CPO: variants seen among roughly 807,000 people sequenced by gnomAD.
CPO encodes the protein carboxypeptidase O.
In CPO, 43 loss-of-function variants were observed where a neutral mutation model predicts 41.2. That is an observed-to-expected ratio of 1.04 (90% confidence interval 0.82 to 1.35). CPO has a LOEUF of 1.35. CPO is among the 40% of genes most tolerant of loss of function. CPO has a pLI of 0.00. For synonymous variants in CPO, 178 were observed against 162.7 expected, an observed-to-expected ratio of 1.09 and a Z score of -0.72; for missense variants, 408 against 451.7, an observed-to-expected ratio of 0.90 and a Z score of 0.88.
At chr2:206,948,337 G>A (rs1693185089) in intron 1 of CPO, among the ~76,000 whole-genome samples, 1 of 152,178 alleles carries the variant, frequency 6.6e-6, no homozygotes, top group Admixed American at 6.5e-5. Context: ...TGAAAATGTT[G>A]CATACTGTAT....
chr2:206,950,335 CA>C (rs1166185115), intron 2 of CPO, among the ~76,000 whole-genome samples: 3 of 152,130 alleles, frequency 2.0e-5, no homozygotes, highest in Non-Finnish European at 4.4e-5. Context: ...CAGACATATG[CA>C]AAACTGCTGG....
At chr2:206,946,959 A>T (rs889626194) in intron 1 of CPO, among the ~76,000 whole-genome samples, 1 of 152,216 alleles carries the variant, frequency 6.6e-6, no homozygotes, top group Non-Finnish European at 1.5e-5. Flanking sequence ...GAGATCAAAG[A>T]AGAACTAAAT....
At chr2:206,958,241 G>T (rs1409488859) in intron 3 of CPO, 60 bp from the exon 4 acceptor site, 26 of 888,954 alleles carry the variant, frequency 2.9e-5, no homozygotes, top group Middle Eastern at 4.6e-4. Context: ...TCATAACTTT[G>T]CACAGTGGCT....
At chr2:206,956,409 T>G (rs528900781) in intron 3 of CPO, among the ~76,000 whole-genome samples, 2 of 130,836 alleles carry the variant, frequency 1.5e-5, no homozygotes, top group East Asian at 4.1e-4. Context: ...TAAATCATCA[T>G]CATCATCAGC....
At chr2:206,957,447 T>A (rs1313123284) in intron 3 of CPO, among the ~76,000 whole-genome samples, 1 of 151,946 alleles carries the variant, frequency 6.6e-6, no homozygotes, top group African/African-American at 2.4e-5. Context: ...GAAAAATAGA[T>A]GAGGCTAAAA....
intron 4 of CPO, 107 bp downstream of exon 4, chr2:206,958,512 C>T: frequency 3.3e-6 from 2 of 610,608 alleles, no homozygotes. Flanking sequence ...TGATGCAACT[C>T]TTTACTGTGC....
intron 1 of CPO, among the ~76,000 whole-genome samples, chr2:206,948,325 C>G (rs1316020550): frequency 6.6e-6 from 1 of 152,128 alleles, no homozygotes; most frequent in Non-Finnish European, 1.5e-5. Context: ...AAGAAGTCAA[C>G]CTGAAAATGT....
intron 1 of CPO, among the ~76,000 whole-genome samples, chr2:206,943,714 AGATGATG>A (rs1475313036): frequency 0.014 from 1,014 of 71,050 alleles, 4 homozygotes; most frequent in Admixed American, 0.024. Context: ...ATAGATAGAT[AGATGATG>A]GATAGATGAT....
intron 5 of CPO, among the ~76,000 whole-genome samples, chr2:206,960,137 C>T (rs1455260912): frequency 6.6e-6 from 1 of 152,240 alleles, no homozygotes; most frequent in Admixed American, 6.5e-5. Context: ...AACCAGCCTA[C>T]ATTTTTCAAT....
intron 7 of CPO, among the ~76,000 whole-genome samples, chr2:206,965,639 C>T (rs7561116): frequency 0.22 from 33,697 of 152,008 alleles, 4,153 homozygotes; most frequent in Non-Finnish European, 0.29. Flanking sequence ...CCAAGCTCTG[C>T]TGCCCCCACC....
chr2:206,945,264 G>T (rs1445673383), intron 1 of CPO, among the ~76,000 whole-genome samples: 1 of 107,396 alleles, frequency 9.3e-6, no homozygotes, highest in Non-Finnish European at 2.3e-5. Context: ...TAGCTAATTA[G>T]ATCTCTAACA....
At position 206,967,217 on chromosome 2, in the gene CPO, T is replaced by C. The variant is rs548543195; in HGVS notation, c.778-1046T>C. ...TAGGCGACATGCAACAGAAGGTCAATAAGCCCAGCCAGTAGACTTGGGCCT... is the reference window on the plus strand; with the variant it reads ...TAGGCGACATGCAACAGAAGGTCAACAAGCCCAGCCAGTAGACTTGGGCCT... On this transcript the variant is annotated intron_variant, in intron 7 of 8. Transcript: ENST00000272852. Among the ~76,000 whole-genome samples the C allele has an allele frequency of 3.3e-5, 5 of 152,070 alleles. No homozygotes were observed. In the South Asian group the frequency reaches 1.0e-3, roughly 32 times the overall value.
At chr2:206,948,681 G>C (rs960131338) in intron 1 of CPO, among the ~76,000 whole-genome samples, 2 of 152,154 alleles carry the variant, frequency 1.3e-5, no homozygotes, top group Non-Finnish European at 2.9e-5. Context: ...AGGATATTCT[G>C]AGCCCAGAGC....
In CPO at chr2:206,953,555, C is replaced by A. The variant is rs185895999; in HGVS notation, c.166-1908C>A. Among the ~76,000 whole-genome samples the A allele has an allele frequency of 3.0e-3, 460 of 152,362 alleles. 1 individual carries two copies. Among genetic ancestry groups the A allele is most frequent in the Non-Finnish European group, 4.8e-3 (324 of 68,038 alleles). On this transcript the variant is annotated intron_variant, in intron 2 of 8. Coordinates refer to ENST00000272852, the MANE Select transcript of CPO (RefSeq NM_173077.3). ...TCCCTGTGCCTTTGCAAGGTATAGC[C>A]CCACTCCTGGCTGCTTTCATAGGCT...
At chr2:206,939,990 T>G (rs1692999437) in intron 1 of CPO, among the ~76,000 whole-genome samples, 1 of 152,172 alleles carries the variant, frequency 6.6e-6, no homozygotes, top group Admixed American at 6.6e-5. Flanking sequence ...GTATCTCATT[T>G]GGTAAATCAC....
intron 3 of CPO, among the ~76,000 whole-genome samples, chr2:206,956,910 C>T (rs1397625480): frequency 2.0e-5 from 3 of 152,140 alleles, no homozygotes; most frequent in East Asian, 3.8e-4. Context: ...CACCTGCCTA[C>T]CTGATTTTCC....
chr2:206,953,415 T>C (rs1238652458), intron 2 of CPO, among the ~76,000 whole-genome samples: 1 of 152,130 alleles, frequency 6.6e-6, no homozygotes, highest in Non-Finnish European at 1.5e-5. Flanking sequence ...AAGTCCGAAA[T>C]CCAATAGAGC....
chr2:206,964,136 C>T (rs1296503991), intron 7 of CPO, among the ~76,000 whole-genome samples: 1 of 152,170 alleles, frequency 6.6e-6, no homozygotes, highest in African/African-American at 2.4e-5. Context: ...ACCTTTTGCA[C>T]ATCTCCCTCC....
rs200615925 is a variant in CPO, at chr2:206,967,331, C to CTATATA, written c.778-917_778-912dup. ...GGGTATGACTTCCAGCTCTGAAATG[C>CTATATA]TATATATATATATATATATAGATAT... On this transcript the variant is annotated intron_variant, in intron 7 of 8. Transcript: ENST00000272852. Among the ~76,000 whole-genome samples the CTATATA allele has an allele frequency of 1.8e-3, 216 of 118,512 alleles. 1 individual carries two copies. Among genetic ancestry groups the CTATATA allele is most frequent in the African/African-American group, 6.9e-3 (199 of 28,660 alleles). 77.7% of individuals were successfully genotyped at this position (118,512 alleles called of 152,430 possible). A position where few individuals can be genotyped will look rare whatever the true frequency, so the allele number is the denominator to read the frequency against.
Sources: gnomAD v4.1 joint callset for allele counts (sites outside exome capture counted in the v4.1 genomes callset) on GRCh38, gnomAD v4.1.1 for gene constraint, MANE v1.5 for transcripts, NCBI Gene and HGNC (gene_info 2026-07-23, HGNC 2026-07-21) for gene names.